The following ASB9 variants were observed in gnomAD, a reference collection of about 807,000 sequenced individuals.
ASB9 encodes ankyrin repeat and SOCS box protein 9.
A neutral mutation model predicts 16.6 loss-of-function variants in ASB9; 5 were observed. The observed-to-expected ratio is 0.30, with a 90% CI of 0.16 to 0.63. The LOEUF is 0.63. Ranked by LOEUF, ASB9 falls within the 30% of genes least tolerant of loss-of-function variation. The probability of loss-of-function intolerance (pLI) is 0.82; values close to 1 mark genes in which losing one functional copy is unlikely to be tolerated. For missense variants in ASB9, 216 were observed against 229.4 expected (o/e 0.94, Z 0.38); for synonymous variants, 100 against 86.4 (o/e 1.16, Z -0.87).
chrX:15,269,469 A>G (rs1402347002), intron 1 of ASB9, among the ~76,000 whole-genome samples: 4 of 112,470 alleles, frequency 3.6e-5, no homozygotes, highest in Non-Finnish European at 7.5e-5. Flanking sequence ...TTTCCTATTT[A>G]TAAGTAACTT....
chrX:15,256,775 C>CAGA (rs1472672648), intron 2 of ASB9, among the ~76,000 whole-genome samples: 1 of 35,999 alleles, frequency 2.8e-5, no homozygotes, highest in Non-Finnish European at 5.1e-5. Context: ...GACTCCGTCT[C>CAGA]AAAAAAAAAA....
intron 5 of ASB9, 47 bp downstream of exon 5, chrX:15,250,383 T>C (rs767266326): frequency 8.5e-7 from 1 of 1,175,832 alleles, no homozygotes; most frequent in South Asian, 1.8e-5. Flanking sequence ...ATACATTTAA[T>C]TTACTTTTCG....
At chrX:15,248,625 T>C in intron 6 of ASB9, 119 bp downstream of exon 6, 1 of 1,077,144 alleles carries the variant, frequency 9.3e-7, no homozygotes, top group Non-Finnish European at 1.2e-6. Context: ...CCAGATTTGG[T>C]GATGTCAGAG....
At chrX:15,249,016 A>C in intron 5 of ASB9, 81 bp from the exon 6 acceptor site, 1 of 998,725 alleles carries the variant, frequency 1.0e-6, no homozygotes, top group Non-Finnish European at 1.3e-6. Flanking sequence ...CGAGCCCCAA[A>C]ATTTCCTAAC....
chrX:15,270,083 C>CACAT, upstream of ASB9: 1 of 115,590 alleles, frequency 8.7e-6, no homozygotes, highest in Non-Finnish European at 1.6e-5. Flanking sequence ...CGCTCGTGTA[C>CACAT]ACACACACAC....
In ASB9 at chrX:15,269,790, A is replaced by G. The variant is rs1345029662; in HGVS notation, c.85T>C (p.Leu29=). 3.3e-6 allele frequency: 4 copies of G among 1,204,962 alleles called. No individual in the cohort carries two copies. The South Asian group carries it at 7.2e-5, about 22-fold the overall frequency. The change falls in exon 1 of 7, where the codon TTG becomes CTG. Residue 29 remains leucine (L), a synonymous_variant. Coordinates refer to ENST00000380488, the MANE Select transcript of ASB9 (RefSeq NM_001031739.3). Reference sequence around the variant, plus strand: ...TGCCCCTATGACTCACCGCCCATCAATGGGTTTGAAAGAAGCCTGATGCCA... The same window carrying G: ...TGCCCCTATGACTCACCGCCCATCAGTGGGTTTGAAAGAAGCCTGATGCCA... ...FPGIRLLSNP[L]MGDAVSDWSP...
intron 1 of ASB9, among the ~76,000 whole-genome samples, chrX:15,267,743 CA>C: frequency 3.8e-5 from 1 of 25,980 alleles, no homozygotes; most frequent in African/African-American, 1.8e-4. Context: ...AACTCCACTT[CA>C]AAAAAAACAA....
chrX:15,256,970 T>C (rs1176946863), intron 2 of ASB9, among the ~76,000 whole-genome samples: 1 of 110,377 alleles, frequency 9.1e-6, no homozygotes, highest in Non-Finnish European at 1.9e-5. Flanking sequence ...AGGGGTATGA[T>C]TGTCACATGA....
At chrX:15,259,467 A>T (rs1038631268) in intron 1 of ASB9, among the ~76,000 whole-genome samples, 2 of 112,994 alleles carry the variant, frequency 1.8e-5, no homozygotes, top group Admixed American at 9.3e-5. Context: ...CTGTCCTAAT[A>T]TTAAGCACAA....
intron 1 of ASB9, among the ~76,000 whole-genome samples, chrX:15,265,540 C>A (rs1252511954): frequency 8.9e-6 from 1 of 111,889 alleles, no homozygotes; most frequent in Non-Finnish European, 1.9e-5. Context: ...AAGTATGGTC[C>A]CTGACCAGTA....
intron 3 of ASB9, among the ~76,000 whole-genome samples, chrX:15,253,726 C>T (rs1925318208): frequency 8.9e-6 from 1 of 112,390 alleles, no homozygotes; most frequent in Admixed American, 9.4e-5. Context: ...TGTCTAACTT[C>T]ACAGTGTTTG....
chrX:15,246,495 A>C (rs368130092), intron 6 of ASB9, among the ~76,000 whole-genome samples: 1 of 110,398 alleles, frequency 9.1e-6, no homozygotes, highest in African/African-American at 3.3e-5. Context: ...TTGTTTTTTG[A>C]GACTGAGTCT....
At chrX:15,265,222 C>G (rs1250638260) in intron 1 of ASB9, among the ~76,000 whole-genome samples, 1 of 111,457 alleles carries the variant, frequency 9.0e-6, no homozygotes, top group Non-Finnish European at 1.9e-5. Context: ...AGTCTCAGTC[C>G]CATGTCATCA....
chrX:15,261,054 A>T (rs1382048234), intron 1 of ASB9, among the ~76,000 whole-genome samples: 1 of 111,487 alleles, frequency 9.0e-6, no homozygotes, highest in Non-Finnish European at 1.9e-5. Context: ...TACCGTCAAA[A>T]CCTCACGCTT....
intron 1 of ASB9, among the ~76,000 whole-genome samples, chrX:15,263,189 C>T (rs904534555): frequency 1.8e-4 from 20 of 111,035 alleles, no homozygotes; most frequent in African/African-American, 5.9e-4. Flanking sequence ...GAATGCTGGG[C>T]GGTAGCATAA....
At chrX:15,263,098 C>A (rs1160774761) in intron 1 of ASB9, among the ~76,000 whole-genome samples, 1 of 111,744 alleles carries the variant, frequency 8.9e-6, no homozygotes, top group Non-Finnish European at 1.9e-5. Flanking sequence ...TTTTTCATTT[C>A]CATTATTTCA....
At chrX:15,253,771 G>A (rs1045826432) in intron 3 of ASB9, among the ~76,000 whole-genome samples, 2 of 111,777 alleles carry the variant, frequency 1.8e-5, no homozygotes, top group Non-Finnish European at 3.8e-5. Flanking sequence ...AAAGCCAAGT[G>A]CAGACACATT....
intron 1 of ASB9, among the ~76,000 whole-genome samples, chrX:15,265,680 G>A (rs1313910002): frequency 1.8e-5 from 2 of 110,384 alleles, no homozygotes; most frequent in Non-Finnish European, 3.8e-5. Context: ...CTGTTGCCCA[G>A]GCTGGAGTAC....
chrX:15,257,797 C>A (rs1471494330), intron 2 of ASB9, among the ~76,000 whole-genome samples: 1 of 112,387 alleles, frequency 8.9e-6, no homozygotes, highest in Admixed American at 9.4e-5. Context: ...ATGTACTTCT[C>A]TTGAGCCTTG....
Sources: gnomAD v4.1 joint callset for allele counts (sites outside exome capture counted in the v4.1 genomes callset) on GRCh38, gnomAD v4.1.1 for gene constraint, MANE v1.5 for transcripts, NCBI Gene and HGNC (gene_info 2026-07-23, HGNC 2026-07-21) for gene names.